RSRC1: variants seen among roughly 807,000 people sequenced by gnomAD.
The protein encoded by RSRC1 is arginine and serine rich coiled-coil 1.
In RSRC1, 39 loss-of-function variants were observed where a neutral mutation model predicts 49.1. The observed-to-expected ratio is 0.79, with a 90% confidence interval of 0.61 to 1.04. The LOEUF is 1.04. Among genes scored for constraint, RSRC1 ranks in the 50% least tolerant of loss-of-function variants. The pLI is 0.00. For missense variants in RSRC1, 388 were observed against 402.4 expected (o/e 0.96, Z 0.31); for synonymous variants, 143 against 130.8 (o/e 1.09, Z -0.63).
At chr3:158,460,210 G>A (rs186173669) in intron 6 of RSRC1, among the ~76,000 whole-genome samples, 41 of 151,898 alleles carry the variant, frequency 2.7e-4, no homozygotes, top group African/African-American at 9.9e-4. Context: ...GCAGTGAGAC[G>A]GCAATAAAGG....
intron 4 of RSRC1, among the ~76,000 whole-genome samples, chr3:158,284,191 T>C (rs1322836636): frequency 6.6e-6 from 1 of 151,830 alleles, no homozygotes; most frequent in African/African-American, 2.4e-5. Context: ...TGATTTCCAA[T>C]TTCATCCATG....
chr3:158,226,919 A>G (rs1315254521), intron 4 of RSRC1, among the ~76,000 whole-genome samples: 2 of 151,960 alleles, frequency 1.3e-5, no homozygotes, highest in Non-Finnish European at 2.9e-5. Context: ...TAAGGTTGAG[A>G]AATATTTTCA....
chr3:158,195,841 T>A (rs1203150225), intron 3 of RSRC1, among the ~76,000 whole-genome samples: 1 of 152,178 alleles, frequency 6.6e-6, no homozygotes, highest in Non-Finnish European at 1.5e-5. Context: ...GGCTCTGTTC[T>A]GTTCCATTGA....
chr3:158,325,278 G>C (rs1056003692), intron 5 of RSRC1, among the ~76,000 whole-genome samples: 1 of 152,140 alleles, frequency 6.6e-6, no homozygotes, highest in Admixed American at 6.5e-5. Flanking sequence ...ATTGCTTTTG[G>C]TGTTTCAGAC....
At chr3:158,479,692 A>G (rs1738531191) in intron 7 of RSRC1, among the ~76,000 whole-genome samples, 1 of 151,994 alleles carries the variant, frequency 6.6e-6, no homozygotes, top group Non-Finnish European at 1.5e-5. Context: ...TTTTCCACTA[A>G]TGATGTCACT....
intron 7 of RSRC1, among the ~76,000 whole-genome samples, chr3:158,490,550 A>C (rs1299548062): frequency 6.6e-6 from 1 of 152,234 alleles, no homozygotes; most frequent in East Asian, 1.9e-4. Flanking sequence ...TTATAGATAT[A>C]GTTATTCCAT....
At chr3:158,135,003 T>C (rs562369170) in intron 3 of RSRC1, among the ~76,000 whole-genome samples, 1 of 152,162 alleles carries the variant, frequency 6.6e-6, no homozygotes, top group Non-Finnish European at 1.5e-5. Context: ...TTATTGATAA[T>C]TTTTTTCTAG....
chr3:158,488,801 A>T (rs1364484217), intron 7 of RSRC1, among the ~76,000 whole-genome samples: 1 of 152,252 alleles, frequency 6.6e-6, no homozygotes, highest in Non-Finnish European at 1.5e-5. Context: ...AAAAGTTAAC[A>T]TCCTGCCTTT....
chr3:158,196,116 C>A (rs1164249334), intron 3 of RSRC1, among the ~76,000 whole-genome samples: 4 of 152,072 alleles, frequency 2.6e-5, no homozygotes, highest in African/African-American at 9.7e-5. Context: ...GATATTGATT[C>A]TTCCTACTCA....
chr3:158,449,436 C>G (rs1004154801), intron 6 of RSRC1, among the ~76,000 whole-genome samples: 8 of 151,992 alleles, frequency 5.3e-5, no homozygotes, highest in Admixed American at 5.3e-4. Flanking sequence ...AAATAATTCT[C>G]TTTACTGCAG....
chr3:158,357,119 T>G (rs1731202523), intron 6 of RSRC1, among the ~76,000 whole-genome samples: 1 of 152,204 alleles, frequency 6.6e-6, no homozygotes, highest in Non-Finnish European at 1.5e-5. Context: ...AAGTCACTCT[T>G]TTTTATTGAA....
chr3:158,525,420 T>C (rs1482939829), intron 7 of RSRC1, among the ~76,000 whole-genome samples: 1 of 151,970 alleles, frequency 6.6e-6, no homozygotes, highest in East Asian at 1.9e-4. Flanking sequence ...GATGAAGATG[T>C]AGAGCACCAG....
At chr3:158,287,003 T>C (rs1348996263) in intron 4 of RSRC1, among the ~76,000 whole-genome samples, 1 of 152,170 alleles carries the variant, frequency 6.6e-6, no homozygotes, top group East Asian at 1.9e-4. Flanking sequence ...ATTTTTTGTA[T>C]TTTTAGTAGA....
chr3:158,496,674 CA>C (rs1222414766), intron 7 of RSRC1: 1 of 189,538 alleles, frequency 5.3e-6, no homozygotes, highest in African/African-American at 2.3e-5. Context: ...AGACAAGTTC[CA>C]AGCCCACCTT....
chr3:158,194,751 G>GT (rs1488500732), intron 3 of RSRC1, among the ~76,000 whole-genome samples: 2 of 149,116 alleles, frequency 1.3e-5, no homozygotes, highest in Admixed American at 6.8e-5. Context: ...GTGCTGTTTG[G>GT]TTTTTTGTCC....
Position 158,123,984 on chromosome 3 carries a change from A to G in RSRC1, c.313A>G (p.Thr105Ala), listed in dbSNP as rs1430152719. 6.3e-7 allele frequency: 1 copy of G among 1,594,738 alleles called. No individual in the cohort carries two copies. Residue 105 changes from threonine (T) to alanine (A), a missense_variant, in exon 3 of 10, where the codon ACA (threonine) becomes GCA (alanine). Coordinates refer to ENST00000611884, the MANE Select transcript of RSRC1 (RefSeq NM_001271838.2). The stretch of plus-strand genomic sequence containing the variant: ...TCAGAGGTCTAGGTCAAAAAGCAGA[A>G]CAAGAAGGTATGCCTTATTAAGTAT... ...RVQRSRSKSR[T>A]RRSRSRPRLR...
chr3:158,481,434 G>T (rs1738612453), intron 7 of RSRC1, among the ~76,000 whole-genome samples: 1 of 151,898 alleles, frequency 6.6e-6, no homozygotes, highest in Non-Finnish European at 1.5e-5. Context: ...GTCACAAATT[G>T]GTTATTTACA....
intron 6 of RSRC1, among the ~76,000 whole-genome samples, chr3:158,455,111 C>A (rs1053626713): frequency 6.6e-6 from 1 of 152,140 alleles, no homozygotes; most frequent in Admixed American, 6.5e-5. Flanking sequence ...AAAATTAGAA[C>A]ATTCCTAGAA....
chr3:158,169,232 A>G (rs1354135769), intron 3 of RSRC1, among the ~76,000 whole-genome samples: 2 of 152,272 alleles, frequency 1.3e-5, no homozygotes, highest in East Asian at 1.9e-4. Context: ...CATCAGAGGG[A>G]TGAAAACTCA....
Sources: gnomAD v4.1 joint callset for allele counts (sites outside exome capture counted in the v4.1 genomes callset) on GRCh38, gnomAD v4.1.1 for gene constraint, MANE v1.5 for transcripts, NCBI Gene and HGNC (gene_info 2026-07-23, HGNC 2026-07-21) for gene names.